The following ACE variants were observed in gnomAD, a reference collection of about 807,000 sequenced individuals.
The protein encoded by ACE is angiotensin I converting enzyme.
In ACE, 122 loss-of-function variants were observed where a neutral mutation model predicts 162.3. That is an observed-to-expected ratio of 0.75 (90% CI 0.65 to 0.87). The LOEUF is 0.87. Ranked by LOEUF, ACE falls within the 40% of genes least tolerant of loss-of-function variation. The pLI is 0.00. For synonymous variants in ACE, 796 were observed against 720.6 expected, an observed-to-expected ratio of 1.10 and a Z score of -1.68; for missense variants, 1,799 against 1,735.1, an observed-to-expected ratio of 1.04 and a Z score of -0.65.
rs560419983 is a variant in ACE, at chr17:63,484,891, A to G, written c.1922-345A>G. ...CCATGGGCCAGGGTTGGGCTACTGC[A>G]GGACTTCCCAGCCTCCTCTTCCTGC... is the stretch of plus-strand genomic sequence containing the variant. On this transcript the variant is annotated intron_variant, in intron 12 of 24. Transcript: ENST00000290866. The surrounding 1 kb of genome is among the most constrained non-coding windows in gnomAD (Gnocchi z 4.0). 22 of 1,590,068 alleles carry G rather than the reference A, an allele frequency of 1.4e-5. No individual in the cohort carries two copies. The Admixed American group carries it at 3.7e-4, about 27-fold the overall frequency.
At chr17:63,478,792 C>G (rs561968032) in intron 2 of ACE, 1 of 621,110 alleles carries the variant, frequency 1.6e-6, no homozygotes, top group East Asian at 2.9e-5. Context: ...TTTCAGGACT[C>G]CTGTCCCCCA....
intron 19 of ACE, 101 bp from the exon 20 acceptor site, chr17:63,493,335 C>G: frequency 1.8e-6 from 2 of 1,127,592 alleles, no homozygotes; most frequent in Non-Finnish European, 2.7e-6. Flanking sequence ...TGCTGCAGTG[C>G]TGGGGTCTGC....
chr17:63,496,552 C>G, intron 23 of ACE, 36 bp downstream of exon 23: 1 of 1,613,344 alleles, frequency 6.2e-7, no homozygotes, highest in African/African-American at 1.3e-5. Flanking sequence ...TTTCCATGCT[C>G]TGGCCTGCGC....
chr17:63,488,993 G>A lies in ACE; in HGVS notation c.2502G>A (p.Leu834=), dbSNP rs765320587. The change falls in exon 17 of 25, where the codon CTG becomes CTA. Residue 834 remains leucine (L), a synonymous_variant. Transcript: ENST00000290866. ...GGTCTATGTACGAGACACCATCCCT[G>A]GAGCAAGACCTGGAGCGGCTCTTCC... ...SWRSMYETPS[L]EQDLERLFQE... 3 of 1,614,084 alleles carry A rather than the reference G, an allele frequency of 1.9e-6. No individual in the cohort carries two copies.
chr17:63,491,264 G>T lies in ACE; in HGVS notation c.2795G>T (p.Gly932Val). ...GCTGATGATTTCTTCACCTCCCTGG[G>T]GCTGCTGCCCGTGCCTCCTGAGTTC... ...KEADDFFTSL[G>V]LLPVPPEFWN... Residue 932 changes from glycine to valine, a missense_variant, in exon 19 of 25, where the codon GGG (glycine) becomes GTG (valine). Transcript: ENST00000290866. This position sits in a 1 kb window ranked among gnomAD's most constrained non-coding sequence, Gnocchi z 4.4. 5 of 1,614,192 alleles carry T rather than the reference G, an allele frequency of 3.1e-6. No homozygotes were observed. Among genetic ancestry groups the T allele is most frequent in the Non-Finnish European group, 4.2e-6 (5 of 1,180,036 alleles).
intron 8 of ACE, 150 bp downstream of exon 8, chr17:63,482,839 G>A (rs921517743): frequency 2.3e-5 from 25 of 1,080,618 alleles, no homozygotes; most frequent in African/African-American, 1.2e-4. Context: ...AGAGCCTCAC[G>A]GTGCACACTG....
intron 1 of ACE, chr17:63,477,713 TG>T: frequency 1.6e-6 from 1 of 610,706 alleles, no homozygotes; most frequent in Non-Finnish European, 2.9e-6. Flanking sequence ...GCCTCTTTTC[TG>T]GTCCCAATTT....
intron 17 of ACE, chr17:63,490,169 T>C (rs4346): frequency 2.0e-5 from 3 of 153,214 alleles, no homozygotes; most frequent in East Asian, 1.9e-4. Flanking sequence ...GTTTGCACTT[T>C]AGACTTCATC....
chr17:63,483,421 A>G (rs1568038745), intron 9 of ACE, 39 bp from the exon 10 acceptor site: 1 of 1,574,016 alleles, frequency 6.4e-7, no homozygotes, highest in East Asian at 2.2e-5. Flanking sequence ...TCTGTTTGCA[A>G]CCTCTAGGCC....
intron 13 of ACE, 87 bp downstream of exon 13, chr17:63,485,459 C>A: frequency 6.4e-7 from 1 of 1,563,840 alleles, no homozygotes. Context: ...GGGCTGCCAC[C>A]ACATTTTAAA....
chr17:63,478,401 C>A (rs2049653746), intron 2 of ACE: 21 of 417,798 alleles, frequency 5.0e-5, no homozygotes, highest in South Asian at 4.9e-4. Flanking sequence ...CGTGGTGGCT[C>A]AAGCCTGTAA....
At chr17:63,479,627 T>C in intron 3 of ACE, 142 bp from the exon 4 acceptor site, 2 of 1,119,542 alleles carry the variant, frequency 1.8e-6, no homozygotes, top group South Asian at 2.7e-5. Context: ...CCACCAGGCC[T>C]GTAGGTGGCC....
Position 63,482,587 on chromosome 17 carries a change from C to T in ACE, c.1240C>T (p.Pro414Ser). 2 of 1,614,144 alleles carry T rather than the reference C, an allele frequency of 1.2e-6. No homozygotes were observed. The highest frequency in any genetic ancestry group is 1.7e-6 in the Non-Finnish European group (2 of 1,180,026). The stretch of plus-strand genomic sequence containing the variant: ...CGTCTCCCTGCGTCGGGGGGCCAAC[C>T]CCGGCTTCCATGAGGCCATTGGGGA... ...LPVSLRRGAN[P>S]GFHEAIGDVL... The change falls in exon 8 of 25, where the codon CCC becomes TCC. Residue 414 changes from proline to serine, a missense_variant. Transcript: ENST00000290866.
chr17:63,477,434 C>CCACAA (rs1484212465), intron 1 of ACE, 91 bp downstream of exon 1: 3 of 1,065,008 alleles, frequency 2.8e-6, no homozygotes, highest in Non-Finnish European at 3.5e-6. Flanking sequence ...GGCTGGCGCC[C>CCACAA]CCGACCCGAA....
rs761366166 is a variant in ACE at position 63,479,026 on chromosome 17, A to T, written c.437A>T (p.Asn146Ile). The change falls in exon 3 of 25, where the codon AAC becomes ATC. Residue 146 changes from asparagine (N) to isoleucine (I), a missense_variant. Transcript: ENST00000290866. The stretch of plus-strand genomic sequence containing the variant: ...CCCCAGTACAACGCCCTGCTAAGCA[A>T]CATGAGCAGGATCTACTCCACCGCC... ...KRQQYNALLSNMSRIYSTAKV... is the reference protein window; with the variant it reads ...KRQQYNALLSIMSRIYSTAKV... 1.2e-6 allele frequency: 2 copies of T among 1,613,590 alleles called. No individual in the cohort carries two copies. Among genetic ancestry groups the T allele is most frequent in the South Asian group, 2.2e-5 (2 of 90,976 alleles).
At position 63,493,433 on chromosome 17, in the gene ACE, TAGG is replaced by T. The variant is rs1413533172; in HGVS notation, c.2913-1_2914del. 1 of 1,613,878 alleles carries T rather than the reference TAGG, an allele frequency of 6.2e-7. No homozygotes were observed. The highest frequency in any genetic ancestry group is 8.5e-7 in the Non-Finnish European group (1 of 1,179,920). On this transcript the variant is annotated splice_acceptor_variant and coding_sequence_variant, in exon 20 of 25. Coordinates refer to ENST00000290866, the MANE Select transcript of ACE (RefSeq NM_000789.4). LOFTEE classifies it high-confidence loss of function. Reference sequence around the variant, plus strand: ...ACCCTCTCCCCCACTCCACTATTCCTAGGATCAAGCAGTGCACCACCGTGAACT... The same window carrying T: ...ACCCTCTCCCCCACTCCACTATTCCTATCAAGCAGTGCACCACCGTGAACT...
At chr17:63,481,504 G>A in intron 6 of ACE, 62 bp from the exon 7 acceptor site, 1 of 1,585,788 alleles carries the variant, frequency 6.3e-7, no homozygotes, top group South Asian at 1.1e-5. Context: ...GGGGACCCCA[G>A]CCCTGTCCCC....
chr17:63,488,366 A>G lies in ACE; in HGVS notation c.2306-282A>G, dbSNP rs149968535. On this transcript the variant is annotated intron_variant, in intron 15 of 24. Transcript: ENST00000290866. The stretch of plus-strand genomic sequence containing the variant: ...AGAGTGAGACCCTGTCTCAGAAAAA[A>G]AAAAAAAAAAAAAAAGGAGAGGAGA... Among the ~76,000 whole-genome samples the G allele has an allele frequency of 0.37, 47,764 of 129,866 alleles. 8,650 individuals carry two copies. Among genetic ancestry groups the G allele is most frequent in the East Asian group, 0.59 (2,363 of 4,026 alleles). The allele number at this position is 129,866 out of a possible 152,430, so 85.2% of individuals were successfully genotyped here.
intron 8 of ACE, 47 bp from the exon 9 acceptor site, chr17:63,482,982 T>C (rs371975534): frequency 1.3e-4 from 207 of 1,596,388 alleles, no homozygotes; most frequent in Non-Finnish European, 1.7e-4. Context: ...GGGGACCCTC[T>C]TCTCCCTCTG....
Sources: allele counts gnomAD v4.1 joint callset (sites outside exome capture counted in the v4.1 genomes callset), GRCh38; gene constraint gnomAD v4.1.1; non-coding constraint Gnocchi (gnomAD v3.1); transcripts MANE v1.5; gene names NCBI Gene and HGNC (gene_info 2026-07-23, HGNC 2026-07-21).